Variants in ACKR3 observed in about 807,000 individuals in gnomAD.
The protein encoded by ACKR3 is C-X-C chemokine receptor type 7.
A neutral mutation model predicts 22.4 loss-of-function variants in ACKR3; 6 were observed. That is an observed-to-expected ratio of 0.27 (90% CI 0.15 to 0.53). The LOEUF is 0.53. Among genes scored for constraint, ACKR3 ranks in the 20% least tolerant of loss-of-function variants. The probability of loss-of-function intolerance (pLI) is 0.96; values close to 1 mark genes in which losing one functional copy is unlikely to be tolerated. For missense variants in ACKR3, 396 were observed against 475.2 expected, an observed-to-expected ratio of 0.83 and a Z score of 1.55; for synonymous variants, 209 against 205.2, an observed-to-expected ratio of 1.02 and a Z score of -0.16.
chr2:236,552,616 A>G, the ACKR3 span, among the ~76,000 whole-genome samples: 1 of 152,238 alleles, frequency 6.6e-6, no homozygotes, highest in Non-Finnish European at 1.5e-5. Context: ...AAGGTAGAAA[A>G]TATAGATGAA....
the ACKR3 span, among the ~76,000 whole-genome samples, chr2:236,561,962 T>C: frequency 3.9e-5 from 6 of 152,264 alleles, no homozygotes; most frequent in Non-Finnish European, 7.3e-5. Flanking sequence ...GGCTTTTATT[T>C]CTTTTCTTCT....
the ACKR3 span, among the ~76,000 whole-genome samples, chr2:236,540,993 G>A: frequency 1.3e-5 from 2 of 152,192 alleles, no homozygotes; most frequent in African/African-American, 2.4e-5. Flanking sequence ...ACATCTTACT[G>A]CACAGCTCCT....
the ACKR3 span, among the ~76,000 whole-genome samples, chr2:236,550,144 A>G: frequency 6.6e-6 from 1 of 152,170 alleles, no homozygotes; most frequent in Non-Finnish European, 1.5e-5. This position sits in a 1 kb window ranked among gnomAD's most constrained non-coding sequence, Gnocchi z 4.6. Context: ...GTCTGTTTCC[A>G]TCCCTAAGGC....
chr2:236,555,455 T>A, the ACKR3 span, among the ~76,000 whole-genome samples: 4 of 152,142 alleles, frequency 2.6e-5, no homozygotes, highest in African/African-American at 9.7e-5. Flanking sequence ...CTGGTCATGG[T>A]GATTGATCTA....
chr2:236,539,578 G>A, the ACKR3 span, among the ~76,000 whole-genome samples: 1 of 152,092 alleles, frequency 6.6e-6, no homozygotes, highest in Non-Finnish European at 1.5e-5. Context: ...CTCCCAAAAT[G>A]CTAGGATTAT....
chr2:236,573,124 T>TAACCTA (rs1691342477), intron 1 of ACKR3, among the ~76,000 whole-genome samples: 1 of 152,126 alleles, frequency 6.6e-6, no homozygotes, highest in South Asian at 2.1e-4. Context: ...GGTTACTTGG[T>TAACCTA]TGGTTTCCCC....
chr2:236,567,522 G>GT (rs1351109308), upstream of ACKR3, among the ~76,000 whole-genome samples: 1 of 152,192 alleles, frequency 6.6e-6, no homozygotes, highest in Non-Finnish European at 1.5e-5. Context: ...ATGGAATCTC[G>GT]TTTTCTCAAA....
chr2:236,570,397 T>C (rs1363767729), intron 1 of ACKR3, among the ~76,000 whole-genome samples: 1 of 152,222 alleles, frequency 6.6e-6, no homozygotes, highest in East Asian at 1.9e-4. Flanking sequence ...ATGAACACTT[T>C]ATTAAGAGGC....
rs1180599255 is a variant in ACKR3 at position 236,581,074 on chromosome 2, C to A, written c.609C>A (p.His203Gln). The change falls in exon 2 of 2, where the codon CAC becomes CAA. Residue 203 changes from histidine (H) to glutamine (Q), a missense_variant. By Grantham distance (24) the His-to-Gln change is conservative (BLOSUM62 0). Transcript: ENST00000272928. The surrounding 1 kb of genome is among the most constrained non-coding windows in gnomAD (Gnocchi z 4.4). ...ACTGCCGGTCCTTCTACCCCGAGCA[C>A]AGCATCAAGGAGTGGCTGATCGGCA... is the stretch of plus-strand genomic sequence containing the variant. Reference protein sequence around the residue: ...ETYCRSFYPEHSIKEWLIGME... With the variant: ...ETYCRSFYPEQSIKEWLIGME... 1 of 1,614,246 alleles carries A rather than the reference C, an allele frequency of 6.2e-7. No homozygotes were observed. The highest frequency in any genetic ancestry group is 8.5e-7 in the Non-Finnish European group (1 of 1,180,048).
chr2:236,539,306 C>CTTTTTTTTTTTTTTT, the ACKR3 span, among the ~76,000 whole-genome samples: 21 of 120,750 alleles, frequency 1.7e-4, no homozygotes, highest in African/African-American at 4.1e-4. Context: ...TTTTTCTTTT[C>CTTTTTTTTTTTTTTT]TTTTTTTTTT....
chr2:236,559,697 A>G, the ACKR3 span, among the ~76,000 whole-genome samples: 1 of 152,208 alleles, frequency 6.6e-6, no homozygotes, highest in Non-Finnish European at 1.5e-5. Flanking sequence ...TCCAGTGGGA[A>G]CACAAAACAT....
chr2:236,540,622 T>C, the ACKR3 span, among the ~76,000 whole-genome samples: 1 of 152,236 alleles, frequency 6.6e-6, no homozygotes, highest in African/African-American at 2.4e-5. Context: ...AGTTATATAA[T>C]TTAATCTTTT....
chr2:236,575,434 GGTT>G (rs1299577129), intron 1 of ACKR3, among the ~76,000 whole-genome samples: 3 of 138,658 alleles, frequency 2.2e-5, no homozygotes, highest in African/African-American at 8.3e-5. Flanking sequence ...GTGTGTCTGG[GGTT>G]GTGCTGTGTG....
chr2:236,568,282 C>T (rs954733814), upstream of ACKR3, among the ~76,000 whole-genome samples: 6 of 152,212 alleles, frequency 3.9e-5, no homozygotes, highest in Admixed American at 2.6e-4. Context: ...AAGCGGAAAC[C>T]GAGCTGCAGT....
At chr2:236,541,269 TACC>T in the ACKR3 span, among the ~76,000 whole-genome samples, 1 of 152,234 alleles carries the variant, frequency 6.6e-6, no homozygotes, top group Non-Finnish European at 1.5e-5. Flanking sequence ...CCAAAAATGT[TACC>T]ACAACAGACA....
In ACKR3 at chr2:236,580,849, C is replaced by G. The variant is rs1335408880; in HGVS notation, c.384C>G (p.Leu128=). The change falls in exon 2 of 2, where the codon CTC becomes CTG. Residue 128 remains leucine, a synonymous_variant. Coordinates refer to ENST00000272928, the MANE Select transcript of ACKR3 (RefSeq NM_020311.3). ...CACACCTCATCTTCTCCATCAACCTCTTCGGCAGCATTTTCTTCCTCACGT... is the reference window on the plus strand; with the variant it reads ...CACACCTCATCTTCTCCATCAACCTGTTCGGCAGCATTTTCTTCCTCACGT... ...KVTHLIFSIN[L]FGSIFFLTCM... The G allele has an allele frequency of 1.2e-5, 19 of 1,614,126 alleles. No homozygotes were observed. Among genetic ancestry groups the G allele is most frequent in the Non-Finnish European group, 1.5e-5 (18 of 1,180,062 alleles).
chr2:236,567,357 T>C (rs969996243), upstream of ACKR3, among the ~76,000 whole-genome samples: 12 of 152,146 alleles, frequency 7.9e-5, no homozygotes, highest in Non-Finnish European at 1.8e-4. Context: ...TATGCTTTCC[T>C]CCTATTCATC....
At chr2:236,542,566 C>T in the ACKR3 span, among the ~76,000 whole-genome samples, 1 of 152,158 alleles carries the variant, frequency 6.6e-6, no homozygotes, top group Non-Finnish European at 1.5e-5. Context: ...AACCTCATAA[C>T]CAGTCTCCAG....
the ACKR3 span, among the ~76,000 whole-genome samples, chr2:236,542,055 G>T: frequency 0.24 from 36,381 of 152,094 alleles, 6,182 homozygotes; most frequent in African/African-American, 0.49. Flanking sequence ...TCAGCTGGAT[G>T]CCACCATAAT....
Sources: gnomAD v4.1 joint callset for allele counts (sites outside exome capture counted in the v4.1 genomes callset) on GRCh38, gnomAD v4.1.1 for gene constraint, Gnocchi (gnomAD v3.1) non-coding constraint, MANE v1.5 for transcripts, NCBI Gene and HGNC (gene_info 2026-07-23, HGNC 2026-07-21) for gene names.